TOMM20L: variants seen among roughly 807,000 people sequenced by gnomAD.
TOMM20L encodes TOMM20-like protein 1.
In TOMM20L, 19 loss-of-function variants were observed where a neutral mutation model predicts 20.4. That is an observed-to-expected ratio of 0.93 (90% CI 0.65 to 1.36). The LOEUF (loss-of-function observed/expected upper bound fraction) is 1.36. Among genes scored for constraint, TOMM20L ranks in the 40% most tolerant of loss-of-function variants. The pLI, the probability that TOMM20L is intolerant of heterozygous loss-of-function variation, is 0.00. For missense variants in TOMM20L, 218 were observed against 203.7 expected (o/e 1.07, Z -0.43); for synonymous variants, 75 against 79.6 (o/e 0.94, Z 0.30).
chr14:58,412,061 A>G, downstream of TOMM20L: 1 of 940,342 alleles, frequency 1.1e-6, no homozygotes, highest in Non-Finnish European at 1.7e-6. Flanking sequence ...CTCGTATTTT[A>G]TAAATCTGTG....
chr14:58,401,929 G>C (rs1403290273), intron 2 of TOMM20L, among the ~76,000 whole-genome samples: 3 of 152,202 alleles, frequency 2.0e-5, no homozygotes, highest in Non-Finnish European at 4.4e-5. Context: ...TCCCCGATTA[G>C]AGAGTTACTG....
chr14:58,402,476 T>TG (rs1348342535), intron 2 of TOMM20L, among the ~76,000 whole-genome samples: 4 of 151,934 alleles, frequency 2.6e-5, no homozygotes, highest in Admixed American at 2.6e-4. Context: ...TTAGTAGAGA[T>TG]GGGGTTTCTC....
Position 58,396,062 on chromosome 14 carries a change from G to A in TOMM20L, c.105G>A (p.Gly35=). 12 of 1,411,854 alleles carry A rather than the reference G, an allele frequency of 8.5e-6. No homozygotes were observed. The highest frequency in any genetic ancestry group is 1.1e-5 in the Non-Finnish European group (12 of 1,078,572). 87.5% of individuals were successfully genotyped at this position (1,411,854 alleles called of 1,614,324 possible). ...YCIYLNRKRR[G]DPAFKRRLRD... ...TTTACCTCAACCGGAAGCGGCGCGG[G>A]GACCCCGCGTTCAAGCGCCGCCTGC... is the stretch of plus-strand genomic sequence containing the variant. The change falls in exon 1 of 5, where the codon GGG becomes GGA. Residue 35 remains glycine, a synonymous_variant. Coordinates refer to ENST00000360945, the MANE Select transcript of TOMM20L (RefSeq NM_207377.3).
chr14:58,404,119 A>ATATATATATTT (rs1555369115), intron 3 of TOMM20L, among the ~76,000 whole-genome samples: 1 of 8,354 alleles, frequency 1.2e-4, no homozygotes, highest in African/African-American at 3.3e-4. Flanking sequence ...ATATATATAT[A>ATATATATATTT]TTTTTTTTTT....
chr14:58,401,957 A>T lies in TOMM20L; in HGVS notation c.181-723A>T, dbSNP rs557801670. ...AGTTACTGCTACATGAACAGGTCTC[A>T]CAACTAAAAGACCAAAATGACCTTG... is the stretch of plus-strand genomic sequence containing the variant. On this transcript the variant is annotated intron_variant, in intron 2 of 4. Coordinates refer to ENST00000360945, the MANE Select transcript of TOMM20L (RefSeq NM_207377.3). Among the ~76,000 whole-genome samples, 18 of 152,358 alleles carry T rather than the reference A, an allele frequency of 1.2e-4. 1 individual carries two copies. Among genetic ancestry groups the T allele is most frequent in the African/African-American group, 4.1e-4 (17 of 41,588 alleles).
chr14:58,402,841 A>T, intron 3 of TOMM20L, 80 bp downstream of exon 3: 1 of 1,093,716 alleles, frequency 9.1e-7, no homozygotes, highest in Non-Finnish European at 1.4e-6. Context: ...TGTATGTCAA[A>T]TAACTAGCTG....
intron 3 of TOMM20L, among the ~76,000 whole-genome samples, chr14:58,404,119 A>ATATATATAT: frequency 1.2e-4 from 1 of 8,342 alleles, no homozygotes; most frequent in African/African-American, 3.3e-4. Context: ...ATATATATAT[A>ATATATATAT]TTTTTTTTTT....
At chr14:58,415,391 T>C in the TOMM20L span, among the ~76,000 whole-genome samples, 148,848 of 152,304 alleles carry the variant, frequency 0.98, 72,827 homozygotes, top group Non-Finnish European at 1. Flanking sequence ...TGCTCAACAT[T>C]GATTAATATG....
chr14:58,410,780 G>C, downstream of TOMM20L: 1 of 1,119,944 alleles, frequency 8.9e-7, no homozygotes, highest in South Asian at 1.4e-5. Flanking sequence ...AAATGCTTAA[G>C]GGGATCCTAC....
the TOMM20L span, among the ~76,000 whole-genome samples, chr14:58,414,008 G>GA: frequency 0.016 from 376 of 24,172 alleles, 143 homozygotes; most frequent in African/African-American, 0.07. Context: ...TTCCGTCTCA[G>GA]AAAAAAAAAA....
chr14:58,396,128 G>T, intron 1 of TOMM20L, 35 bp downstream of exon 1: 1 of 1,278,014 alleles, frequency 7.8e-7, no homozygotes, highest in Non-Finnish European at 9.9e-7. Flanking sequence ...CGGCCGGGCC[G>T]GGCAGCGCGG....
chr14:58,409,090 TATG>T (rs1219271998), downstream of TOMM20L: 1 of 1,613,982 alleles, frequency 6.2e-7, no homozygotes, highest in Non-Finnish European at 8.5e-7. Flanking sequence ...TTCTGCTGAA[TATG>T]ATATTCCTGA....
downstream of TOMM20L, among the ~76,000 whole-genome samples, chr14:58,412,933 AAAAT>A (rs1378492843): frequency 6.6e-6 from 1 of 152,084 alleles, no homozygotes; most frequent in Non-Finnish European, 1.5e-5. Flanking sequence ...AATAAAAAGA[AAAAT>A]AAAGGAAATC....
Position 58,396,337 on chromosome 14 carries a change from C to T in TOMM20L, c.176C>T (p.Thr59Met). The T allele has an allele frequency of 1.2e-6, 2 of 1,608,772 alleles. No homozygotes were observed. Among genetic ancestry groups the T allele is most frequent in the African/African-American group, 2.7e-5 (2 of 74,996 alleles). ...AEPQKAEEQG[T>M]QLWDPTKNKK... ...CCTCAAAAGGCTGAGGAGCAGGGCA[C>T]GCAGGTGCAGTGCTTTCGATCCGCA... Residue 59 changes from threonine (T) to methionine (M), a missense_variant, in exon 2 of 5, where the codon ACG becomes ATG. Coordinates refer to ENST00000360945, the MANE Select transcript of TOMM20L (RefSeq NM_207377.3).
intron 2 of TOMM20L, 24 bp from the exon 3 acceptor site, chr14:58,402,656 T>G: frequency 6.4e-7 from 1 of 1,571,400 alleles, no homozygotes. Flanking sequence ...TTACTCATTG[T>G]TGAATATTTT....
At chr14:58,404,134 TTTTTTTTTTTTTG>T (rs1481236703) in intron 3 of TOMM20L, among the ~76,000 whole-genome samples, 3 of 8,488 alleles carry the variant, frequency 3.5e-4, no homozygotes, top group African/African-American at 6.4e-4. Flanking sequence ...TTTTTTTTTT[TTTTTTTTTTTTTG>T]GAGACGGAGT....
chr14:58,413,789 C>T, the TOMM20L span, among the ~76,000 whole-genome samples: 2 of 151,772 alleles, frequency 1.3e-5, no homozygotes, highest in Non-Finnish European at 2.9e-5. Flanking sequence ...GGGCAGATTA[C>T]GAGGTCAGGA....
chr14:58,404,498 GTTGT>G (rs1279086144), intron 3 of TOMM20L, among the ~76,000 whole-genome samples: 2 of 150,820 alleles, frequency 1.3e-5, no homozygotes, highest in African/African-American at 4.9e-5. Flanking sequence ...CCTTTCTGTT[GTTGT>G]TTTTTTTCAA....
At position 58,408,616 on chromosome 14, in the gene TOMM20L, A is replaced by C; in HGVS notation, c.*34A>C. ...TCAACGTATCCACAGTCCAGTGAGA[A>C]TACTATGGTACCATACAGTATAAAC... On this transcript the variant is annotated 3_prime_UTR_variant, in exon 5 of 5. Coordinates refer to ENST00000360945, the MANE Select transcript of TOMM20L (RefSeq NM_207377.3). 1 of 1,594,496 alleles carries C rather than the reference A, an allele frequency of 6.3e-7. No homozygotes were observed. The highest frequency in any genetic ancestry group is 1.1e-5 in the South Asian group (1 of 90,226).
Sources: allele counts gnomAD v4.1 joint callset (sites outside exome capture counted in the v4.1 genomes callset), GRCh38; gene constraint gnomAD v4.1.1; transcripts MANE v1.5; gene names NCBI Gene and HGNC (gene_info 2026-07-23, HGNC 2026-07-21).